The following GRIA4 variants were observed in gnomAD, a reference collection of about 807,000 sequenced individuals.
GRIA4 encodes glutamate ionotropic receptor AMPA type subunit 4.
A neutral mutation model predicts 104.0 loss-of-function variants in GRIA4; 34 were observed. That is an observed-to-expected ratio of 0.33 (90% CI 0.25 to 0.44). The LOEUF is 0.44. GRIA4 is among the 20% of genes least tolerant of loss of function. GRIA4 has a pLI of 1.00. For synonymous variants in GRIA4, 386 were observed against 381.9 expected, an observed-to-expected ratio of 1.01 and a Z score of -0.13; for missense variants, 750 against 1,096.5, an observed-to-expected ratio of 0.68 and a Z score of 4.46.
In GRIA4 at chr11:105,974,386, T is replaced by A; in HGVS notation, c.2486T>A (p.Met829Lys). ...YILVGGLGLA[M>K]LVALIEFCYK... is the part of the protein sequence containing the mutation. ...CTGGTTGGCGGCTTGGGCTTGGCAA[T>A]GCTGGTGGCTTTGATAGAGTTCTGT... is the stretch of plus-strand genomic sequence containing the variant. The change falls in exon 16 of 17, where the codon ATG (methionine) becomes AAG (lysine). Residue 829 changes from methionine to lysine, a missense_variant. Around this residue, in one of 3 missense-constraint regions of GRIA4, gnomAD observed 272 missense variants for 524.5 expected, o/e 0.52. Transcript: ENST00000282499. 6.2e-7 allele frequency: 1 copy of A among 1,613,948 alleles called. No homozygotes were observed. The highest frequency in any genetic ancestry group is 8.5e-7 in the Non-Finnish European group (1 of 1,179,886).
At chr11:105,722,921 G>A (rs541269108) in intron 3 of GRIA4, among the ~76,000 whole-genome samples, 35 of 152,176 alleles carry the variant, frequency 2.3e-4, no homozygotes, top group African/African-American at 8.4e-4. Flanking sequence ...AAAGATTTGT[G>A]ACGTCTGTAA....
At position 105,855,536 on chromosome 11, in the gene GRIA4, G is replaced by A. The variant is rs868086603; in HGVS notation, c.488-6488G>A. 5.9e-5 allele frequency among the ~76,000 whole-genome samples: 9 copies of A among 152,086 alleles called. No individual in the cohort carries two copies. In the South Asian group the frequency reaches 1.7e-3, roughly 28 times the overall value. On this transcript the variant is annotated intron_variant, in intron 4 of 16. Coordinates refer to ENST00000282499, the MANE Select transcript of GRIA4 (RefSeq NM_000829.4). ...TAAAAGAAAAAGTTGTACTTTATGA[G>A]CAAAATAATAGCTATATAGTAATTA... is the stretch of plus-strand genomic sequence containing the variant.
intron 3 of GRIA4, among the ~76,000 whole-genome samples, chr11:105,681,066 T>C (rs1952694646): frequency 6.6e-6 from 1 of 152,208 alleles, no homozygotes; most frequent in South Asian, 2.1e-4. Flanking sequence ...TAACGCCACA[T>C]TCCTTTTACT....
At chr11:105,717,936 G>A (rs1303154307) in intron 3 of GRIA4, among the ~76,000 whole-genome samples, 2 of 140,998 alleles carry the variant, frequency 1.4e-5, no homozygotes, top group Non-Finnish European at 3.0e-5. Flanking sequence ...CCCTTTGTAG[G>A]GACATGGATG....
At chr11:105,688,087 T>TTC (rs879852982) in intron 3 of GRIA4, among the ~76,000 whole-genome samples, 1 of 151,006 alleles carries the variant, frequency 6.6e-6, no homozygotes, top group Non-Finnish European at 1.5e-5. Flanking sequence ...ATCTCAAATA[T>TTC]TCTCTCTCTC....
chr11:105,855,643 TTAAAA>T (rs745640055), intron 4 of GRIA4, among the ~76,000 whole-genome samples: 2 of 152,170 alleles, frequency 1.3e-5, no homozygotes, highest in South Asian at 2.1e-4. Context: ...AATGCTTTAC[TTAAAA>T]TAGAAACACA....
intron 3 of GRIA4, among the ~76,000 whole-genome samples, chr11:105,716,629 T>C (rs184012779): frequency 6.6e-6 from 1 of 152,246 alleles, no homozygotes; most frequent in Admixed American, 6.6e-5. Context: ...GAAAACTCTA[T>C]ACATCATTAA....
At chr11:105,715,442 G>C (rs1954059158) in intron 3 of GRIA4, among the ~76,000 whole-genome samples, 1 of 151,804 alleles carries the variant, frequency 6.6e-6, no homozygotes. Context: ...TTTTTGTTTT[G>C]ATGACCAAGA....
intron 3 of GRIA4, among the ~76,000 whole-genome samples, chr11:105,658,345 C>T (rs12576667): frequency 1.3e-5 from 2 of 151,650 alleles, no homozygotes; most frequent in Non-Finnish European, 2.9e-5. Flanking sequence ...TTTTAAACCT[C>T]TAATTTACAT....
intron 3 of GRIA4, among the ~76,000 whole-genome samples, chr11:105,688,587 T>TA (rs1218111928): frequency 5.9e-5 from 9 of 151,780 alleles, no homozygotes; most frequent in African/African-American, 2.2e-4. Flanking sequence ...TAAATAAAAA[T>TA]AAAAAATAAA....
intron 3 of GRIA4, among the ~76,000 whole-genome samples, chr11:105,616,442 A>G (rs12808907): frequency 6.6e-6 from 1 of 151,784 alleles, no homozygotes; most frequent in Admixed American, 6.6e-5. Flanking sequence ...TTGTTTAGTT[A>G]ATTTAAATAC....
At chr11:105,886,543 A>C (rs983673040) in intron 5 of GRIA4, among the ~76,000 whole-genome samples, 4 of 133,500 alleles carry the variant, frequency 3.0e-5, no homozygotes, top group Non-Finnish European at 4.6e-5. Context: ...CTCTATGTCC[A>C]TCATACATTC....
At chr11:105,695,484 GT>G (rs2135506677) in intron 3 of GRIA4, among the ~76,000 whole-genome samples, 1 of 124,096 alleles carries the variant, frequency 8.1e-6, no homozygotes, top group East Asian at 2.7e-4. Context: ...GTGTCTGTGT[GT>G]GTGTGTGTGT....
At chr11:105,697,027 G>T (rs966930099) in intron 3 of GRIA4, among the ~76,000 whole-genome samples, 9 of 152,162 alleles carry the variant, frequency 5.9e-5, no homozygotes, top group African/African-American at 2.2e-4. Context: ...GCCTCCCAAA[G>T]TGCTGGAATT....
chr11:105,613,798 A>AT (rs1296395281), intron 3 of GRIA4: 2 of 151,966 alleles, frequency 1.3e-5, no homozygotes, highest in Non-Finnish European at 2.9e-5. Context: ...TAATTATATT[A>AT]TTTTTCAGGA....
At chr11:105,610,713 G>T in intron 1 of GRIA4, 195 bp from the exon 2 acceptor site, 2 of 376,224 alleles carry the variant, frequency 5.3e-6, no homozygotes, top group Non-Finnish European at 9.7e-6. Flanking sequence ...ACCATCTTTT[G>T]CATGTGCAAC....
chr11:105,952,757 C>T (rs764212518), intron 14 of GRIA4, among the ~76,000 whole-genome samples: 14 of 152,160 alleles, frequency 9.2e-5, no homozygotes, highest in Admixed American at 2.0e-4. Context: ...ACCAAAGACA[C>T]TAAATCCTTC....
chr11:105,623,823 A>G (rs1591455471), intron 3 of GRIA4, among the ~76,000 whole-genome samples: 1 of 152,016 alleles, frequency 6.6e-6, no homozygotes, highest in Non-Finnish European at 1.5e-5. Flanking sequence ...CCTATTTATC[A>G]TCCATATTCC....
In GRIA4 at chr11:105,981,939, G is replaced by A. The variant is rs538973984; in HGVS notation, c.*2200G>A. 8 of 151,816 alleles carry A rather than the reference G, an allele frequency of 5.3e-5. No homozygotes were observed. The highest frequency in any genetic ancestry group is 8.9e-5 in the Non-Finnish European group (6 of 67,770). 9.4% of individuals were successfully genotyped at this position (151,816 alleles called of 1,614,324 possible). The stretch of plus-strand genomic sequence containing the variant: ...CCCATCACGGCACTTACCATACTGC[G>A]TTGTAATTGCCTGTGTACTCGTCTG... On this transcript the variant is annotated 3_prime_UTR_variant, in exon 17 of 17. Transcript: ENST00000282499.
Sources: allele counts gnomAD v4.1 joint callset (sites outside exome capture counted in the v4.1 genomes callset), GRCh38; gene constraint gnomAD v4.1.1; regional missense constraint gnomAD v4.1.1; transcripts MANE v1.5; gene names NCBI Gene and HGNC (gene_info 2026-07-23, HGNC 2026-07-21).